Variants in FOXP1 observed in about 807,000 individuals in gnomAD.
The protein encoded by FOXP1 is forkhead box protein P1.
FOXP1 carries 15 observed loss-of-function variants against 98.2 expected under a neutral mutation model. That is an observed-to-expected ratio of 0.15 (90% CI 0.10 to 0.24). The LOEUF is 0.24. Ranked by LOEUF, FOXP1 falls within the 10% of genes least tolerant of loss-of-function variation. FOXP1 has a pLI of 1.00. For synonymous variants in FOXP1, 371 were observed against 314.5 expected (o/e 1.18, Z -1.90); for missense variants, 633 against 848.5 (o/e 0.75, Z 3.15).
intron 2 of FOXP1, among the ~76,000 whole-genome samples, chr3:71,553,941 T>C (rs1280993729): frequency 1.3e-5 from 2 of 152,222 alleles, no homozygotes; most frequent in Non-Finnish European, 2.9e-5. Context: ...GCAGTTTGGA[T>C]GCAATTATAA....
chr3:71,351,020 G>C (rs889474154), intron 4 of FOXP1, among the ~76,000 whole-genome samples: 2 of 152,124 alleles, frequency 1.3e-5, no homozygotes, highest in African/African-American at 4.8e-5. Context: ...GCACACACCA[G>C]ACCAATCACA....
chr3:71,482,148 T>C (rs779702354), intron 3 of FOXP1, among the ~76,000 whole-genome samples: 1 of 152,144 alleles, frequency 6.6e-6, no homozygotes, highest in African/African-American at 2.4e-5. Context: ...AAGGAACATT[T>C]AGAAGAAAAG....
intron 3 of FOXP1, among the ~76,000 whole-genome samples, chr3:71,363,112 G>T (rs952066808): frequency 6.7e-6 from 1 of 148,958 alleles, no homozygotes; most frequent in East Asian, 1.9e-4. Context: ...TAATCATGAT[G>T]TAAATGAATA....
chr3:71,010,796 T>G (rs1026520150), intron 12 of FOXP1, among the ~76,000 whole-genome samples: 1 of 151,862 alleles, frequency 6.6e-6, no homozygotes, highest in East Asian at 1.9e-4. Flanking sequence ...CTGAGCAAAG[T>G]ACTTGATGCA....
At chr3:71,582,265 G>A (rs1162214905) in intron 1 of FOXP1, 1 of 984,766 alleles carries the variant, frequency 1.0e-6, no homozygotes, top group Non-Finnish European at 1.2e-6. Context: ...CTAAGTTTCC[G>A]AGCGCGACGT....
At chr3:71,263,911 ATTT>A in intron 5 of FOXP1, among the ~76,000 whole-genome samples, 1 of 142,040 alleles carries the variant, frequency 7.0e-6, no homozygotes, top group East Asian at 2.0e-4. Flanking sequence ...CTCCCAGCTA[ATTT>A]TTTTTTTTTT....
At chr3:71,212,474 A>C (rs1413279660) in intron 5 of FOXP1, among the ~76,000 whole-genome samples, 1 of 152,192 alleles carries the variant, frequency 6.6e-6, no homozygotes, top group Non-Finnish European at 1.5e-5. Flanking sequence ...AAACCAAATG[A>C]GGCTCCTAGT....
intron 5 of FOXP1, among the ~76,000 whole-genome samples, chr3:71,245,569 C>G (rs2067673562): frequency 6.7e-6 from 1 of 150,170 alleles, no homozygotes; most frequent in Admixed American, 6.7e-5. Flanking sequence ...CCACCCACCC[C>G]CTCCCCATCT....
intron 3 of FOXP1, among the ~76,000 whole-genome samples, chr3:71,406,693 A>C (rs1402487793): frequency 6.6e-6 from 1 of 151,994 alleles, no homozygotes; most frequent in Non-Finnish European, 1.5e-5. Flanking sequence ...TTGCCATGTA[A>C]CATACCATAT....
chr3:71,416,689 TGGGTGAA>T (rs949117448), intron 3 of FOXP1, among the ~76,000 whole-genome samples: 3 of 148,820 alleles, frequency 2.0e-5, no homozygotes, highest in African/African-American at 7.5e-5. Flanking sequence ...AGCAGGTAAA[TGGGTGAA>T]GAGTGAAGAG....
At chr3:71,269,689 G>A (rs1325790481) in intron 5 of FOXP1, among the ~76,000 whole-genome samples, 1 of 152,190 alleles carries the variant, frequency 6.6e-6, no homozygotes, top group South Asian at 2.1e-4. Flanking sequence ...ATTATATAAA[G>A]TTGGTGCAGT....
At chr3:71,518,665 C>A (rs1488732898) in intron 2 of FOXP1, among the ~76,000 whole-genome samples, 3 of 152,128 alleles carry the variant, frequency 2.0e-5, no homozygotes, top group Non-Finnish European at 2.9e-5. Flanking sequence ...AATGTAAGAA[C>A]AAAGGGTGTC....
At chr3:71,408,994 C>A (rs954262115) in intron 3 of FOXP1, among the ~76,000 whole-genome samples, 6 of 152,142 alleles carry the variant, frequency 3.9e-5, no homozygotes, top group Non-Finnish European at 8.8e-5. Flanking sequence ...TGCTGACATT[C>A]CCCCAGAGAA....
intron 6 of FOXP1, among the ~76,000 whole-genome samples, chr3:71,142,185 A>G (rs2060102485): frequency 6.6e-6 from 1 of 152,160 alleles, no homozygotes; most frequent in Non-Finnish European, 1.5e-5. Context: ...TGATATAATT[A>G]CCACAGAAAA....
intron 6 of FOXP1, among the ~76,000 whole-genome samples, chr3:71,144,804 C>A (rs572274129): frequency 6.6e-6 from 1 of 152,240 alleles, no homozygotes; most frequent in South Asian, 2.1e-4. Context: ...CCACCACCCC[C>A]CAAACTCCCT....
At chr3:71,550,740 A>G (rs2107668467) in intron 2 of FOXP1, among the ~76,000 whole-genome samples, 1 of 152,334 alleles carries the variant, frequency 6.6e-6, no homozygotes, top group Non-Finnish European at 1.5e-5. Context: ...TCAGTCCATT[A>G]GACACCAGCT....
At position 70,966,108 on chromosome 3, in the gene FOXP1, G is replaced by A. The variant is rs539485034; in HGVS notation, c.1723-52C>T. On this transcript the variant is annotated intron_variant, in intron 19 of 20. Coordinates refer to ENST00000649528, the MANE Select transcript of FOXP1 (RefSeq NM_001349338.3). ...GAAGACACAGGGTATGTAAGACAAG[G>A]AAACTACTAATTATGGGTGTACTCG... 28 of 1,456,386 alleles carry A rather than the reference G, an allele frequency of 1.9e-5. No homozygotes were observed. In the African/African-American group the frequency reaches 3.5e-4, roughly 18 times the overall value. 90.2% of individuals were successfully genotyped at this position (1,456,386 alleles called of 1,614,324 possible).
chr3:71,567,569 G>C (rs568471545), intron 2 of FOXP1, among the ~76,000 whole-genome samples: 15 of 152,290 alleles, frequency 9.8e-5, no homozygotes, highest in African/African-American at 3.6e-4. Flanking sequence ...TACCCTTAGG[G>C]AAGCTGTTAG....
At chr3:71,158,113 G>GGA (rs2060926910) in intron 6 of FOXP1, among the ~76,000 whole-genome samples, 4 of 26,220 alleles carry the variant, frequency 1.5e-4, no homozygotes, top group African/African-American at 4.0e-4. Flanking sequence ...GGAAGGGAGG[G>GGA]AGGGAGGGAG....
Sources: allele counts gnomAD v4.1 joint callset (sites outside exome capture counted in the v4.1 genomes callset), GRCh38; gene constraint gnomAD v4.1.1; transcripts MANE v1.5; gene names NCBI Gene and HGNC (gene_info 2026-07-23, HGNC 2026-07-21).